Variants in ZBTB7C observed in about 807,000 individuals in gnomAD.
ZBTB7C encodes the protein zinc finger and BTB domain-containing protein 7C.
Under a neutral mutation model 25.7 loss-of-function variants are expected in ZBTB7C, and 8 were observed. The ratio of observed to expected loss-of-function variants is 0.31; its 90% CI spans 0.18 to 0.56. The LOEUF is 0.56. Ranked by LOEUF, ZBTB7C falls within the 20% of genes least tolerant of loss-of-function variation. ZBTB7C has a pLI of 0.91. For missense variants in ZBTB7C, 824 were observed against 855.2 expected, an observed-to-expected ratio of 0.96 and a Z score of 0.46; for synonymous variants, 394 against 369.0, an observed-to-expected ratio of 1.07 and a Z score of -0.78.
chr18:48,212,396 T>C (rs57916114), intron 2 of ZBTB7C, among the ~76,000 whole-genome samples: 4,980 of 152,032 alleles, frequency 0.033, 259 homozygotes, highest in African/African-American at 0.1. Context: ...ATGTTACTGT[T>C]ATGATGGACA....
At chr18:48,221,168 T>C (rs1599130319) in intron 2 of ZBTB7C, among the ~76,000 whole-genome samples, 2 of 151,852 alleles carry the variant, frequency 1.3e-5, no homozygotes, top group East Asian at 2.0e-4. Flanking sequence ...AGTCTCCCTC[T>C]ATACTATCCT....
chr18:48,090,611 T>G (rs12959158), intron 3 of ZBTB7C, among the ~76,000 whole-genome samples: 1 of 152,062 alleles, frequency 6.6e-6, no homozygotes, highest in Non-Finnish European at 1.5e-5. Context: ...GGCTGAGACC[T>G]TGAATGCTCA....
rs1334697510 is a variant in ZBTB7C at position 48,036,751 on chromosome 18, C to A, written c.1208+3149G>T. ...TGCGTCAACGAGGCAGCCGTCTCTG[C>A]TCTAAGTGGCTGCTGAAGAGCTTCC... On this transcript the variant is annotated intron_variant, in intron 4 of 4. Coordinates refer to ENST00000590800, the MANE Select transcript of ZBTB7C (RefSeq NM_001318841.2). Among the ~76,000 whole-genome samples, 5 of 152,140 alleles carry A rather than the reference C, an allele frequency of 3.3e-5. No homozygotes were observed. In the East Asian group the frequency reaches 9.7e-4, roughly 29 times the overall value.
At chr18:48,256,542 A>G (rs1324344819) in intron 2 of ZBTB7C, among the ~76,000 whole-genome samples, 1 of 151,856 alleles carries the variant, frequency 6.6e-6, no homozygotes, top group East Asian at 1.9e-4. Context: ...TTCAAGCACA[A>G]TGAAAATGAA....
intron 2 of ZBTB7C, among the ~76,000 whole-genome samples, chr18:48,306,558 C>T (rs1318690817): frequency 6.6e-6 from 1 of 152,148 alleles, no homozygotes; most frequent in Non-Finnish European, 1.5e-5. Context: ...ATGAACAGTC[C>T]AGTATTCAGG....
chr18:48,215,529 T>TG (rs1222295756), intron 2 of ZBTB7C, among the ~76,000 whole-genome samples: 1 of 152,222 alleles, frequency 6.6e-6, no homozygotes, highest in Non-Finnish European at 1.5e-5. Context: ...ATTCAAAGAT[T>TG]TTCTGATTGG....
intron 1 of ZBTB7C, among the ~76,000 whole-genome samples, chr18:48,361,805 G>A (rs551143559): frequency 6.6e-6 from 1 of 152,352 alleles, no homozygotes; most frequent in South Asian, 2.1e-4. Flanking sequence ...GCCCGAGGTG[G>A]AGGAAAAGAC....
At chr18:48,318,879 A>G (rs538913017) in intron 2 of ZBTB7C, among the ~76,000 whole-genome samples, 12 of 152,308 alleles carry the variant, frequency 7.9e-5, no homozygotes, top group African/African-American at 2.9e-4. Context: ...CACAGGTTCC[A>G]GCCTGTTCCC....
At chr18:48,104,676 T>C (rs915438012) in intron 3 of ZBTB7C, among the ~76,000 whole-genome samples, 2 of 152,238 alleles carry the variant, frequency 1.3e-5, no homozygotes, top group African/African-American at 4.8e-5. Context: ...CTCTTTCTTT[T>C]TCTTTGCTAT....
At chr18:48,176,194 G>C (rs952054902) in intron 3 of ZBTB7C, among the ~76,000 whole-genome samples, 1 of 152,204 alleles carries the variant, frequency 6.6e-6, no homozygotes, top group Non-Finnish European at 1.5e-5. Flanking sequence ...GGCTTATGCA[G>C]GGTTCTGTCC....
intron 2 of ZBTB7C, among the ~76,000 whole-genome samples, chr18:48,186,291 C>A (rs1470297175): frequency 6.6e-6 from 1 of 152,202 alleles, no homozygotes; most frequent in Non-Finnish European, 1.5e-5. Context: ...TGGCTTCTTC[C>A]CACTCCGGAG....
intron 2 of ZBTB7C, among the ~76,000 whole-genome samples, chr18:48,287,945 C>CTT (rs2045106077): frequency 6.6e-6 from 1 of 152,208 alleles, no homozygotes; most frequent in Admixed American, 6.5e-5. Context: ...ACTGCAGCTA[C>CTT]TATGAAACTT....
intron 3 of ZBTB7C, among the ~76,000 whole-genome samples, chr18:48,075,651 G>T (rs929603940): frequency 4.6e-5 from 7 of 152,170 alleles, no homozygotes; most frequent in African/African-American, 1.7e-4. Flanking sequence ...GAGCTCTCAG[G>T]CCTGTTTCTG....
chr18:48,086,945 C>A (rs1021597851), intron 3 of ZBTB7C, among the ~76,000 whole-genome samples: 1 of 152,184 alleles, frequency 6.6e-6, no homozygotes, highest in South Asian at 2.1e-4. Flanking sequence ...TTACTTCCTA[C>A]AAGGCGCTGT....
chr18:48,343,022 C>T (rs909378255), intron 1 of ZBTB7C, among the ~76,000 whole-genome samples: 6 of 152,138 alleles, frequency 3.9e-5, no homozygotes, highest in Non-Finnish European at 8.8e-5. Context: ...AGACCCAGGA[C>T]GCTCAGGCCA....
At chr18:48,267,249 C>A (rs2044342009) in intron 2 of ZBTB7C, among the ~76,000 whole-genome samples, 1 of 152,192 alleles carries the variant, frequency 6.6e-6, no homozygotes, top group Non-Finnish European at 1.5e-5. Context: ...CTTGTCCAGG[C>A]CTTCCCACTG....
In ZBTB7C at chr18:48,202,998, A is replaced by C. The variant is rs758773447; in HGVS notation, c.-78-17003T>G. On this transcript the variant is annotated intron_variant, in intron 2 of 4. Transcript: ENST00000590800. ...TTACCCTGCTTGCCATTCATCCAGCAGCCTCAAGACCCCCTCTTCTCACCC... is the reference window on the plus strand; with the variant it reads ...TTACCCTGCTTGCCATTCATCCAGCCGCCTCAAGACCCCCTCTTCTCACCC... Among the ~76,000 whole-genome samples the C allele has an allele frequency of 5.5e-4, 84 of 151,876 alleles. 1 individual carries two copies. Among genetic ancestry groups the C allele is most frequent in the Non-Finnish European group, 1.0e-3 (68 of 67,996 alleles).
At chr18:48,298,279 CAA>C (rs35832838) in intron 2 of ZBTB7C, among the ~76,000 whole-genome samples, 1,239 of 121,002 alleles carry the variant, frequency 0.01, 16 homozygotes, top group African/African-American at 0.034. Flanking sequence ...GACTCTGTCT[CAA>C]AAAAAAAAAA....
chr18:48,155,769 C>T (rs560296211), intron 3 of ZBTB7C, among the ~76,000 whole-genome samples: 1 of 152,244 alleles, frequency 6.6e-6, no homozygotes, highest in Non-Finnish European at 1.5e-5. Flanking sequence ...TTCTATATTT[C>T]ACTCCTCTGG....
Sources: gnomAD v4.1 joint callset for allele counts (sites outside exome capture counted in the v4.1 genomes callset) on GRCh38, gnomAD v4.1.1 for gene constraint, MANE v1.5 for transcripts, NCBI Gene and HGNC (gene_info 2026-07-23, HGNC 2026-07-21) for gene names.